The following ANO2 variants were observed in gnomAD, a reference collection of about 807,000 sequenced individuals.
ANO2 encodes the protein anoctamin-2.
A neutral mutation model predicts 124.2 loss-of-function variants in ANO2; 101 were observed. The observed-to-expected ratio is 0.81, with a 90% CI of 0.69 to 0.96. The LOEUF (loss-of-function observed/expected upper bound fraction) is 0.96, where lower values mean the gene tolerates loss of function less well. Ranked by LOEUF, ANO2 falls within the 40% of genes least tolerant of loss-of-function variation. ANO2 has a pLI of 0.00. For missense variants in ANO2, 1,293 were observed against 1,274.5 expected (o/e 1.01, Z -0.22); for synonymous variants, 486 against 482.5 (o/e 1.01, Z -0.09).
chr12:5,851,419 G>A (rs1401117097), intron 4 of ANO2, among the ~76,000 whole-genome samples: 4 of 152,126 alleles, frequency 2.6e-5, no homozygotes, highest in Non-Finnish European at 5.9e-5. Context: ...TGGGTGTGGT[G>A]GCTCACGCTT....
chr12:5,836,210 G>T (rs768533049), intron 4 of ANO2, among the ~76,000 whole-genome samples: 7 of 152,184 alleles, frequency 4.6e-5, no homozygotes, highest in Non-Finnish European at 8.8e-5. Context: ...AGGGTTGCCA[G>T]ATCGAACAAA....
At chr12:5,565,763 C>T (rs1312774113) in intron 23 of ANO2, 100 bp from the exon 24 acceptor site, 24 of 919,380 alleles carry the variant, frequency 2.6e-5, no homozygotes, top group South Asian at 1.2e-4. Flanking sequence ...GCATCAGGCA[C>T]GCATGCCCTT....
Position 5,889,146 on chromosome 12 carries a change from G to A in ANO2, c.534+31894C>T, listed in dbSNP as rs376025724. Among the ~76,000 whole-genome samples, 831 of 152,310 alleles carry A rather than the reference G, an allele frequency of 5.5e-3. 7 individuals are homozygous for A. The highest frequency in any genetic ancestry group is 0.019 in the African/African-American group (804 of 41,574). On this transcript the variant is annotated intron_variant, in intron 3 of 24. Transcript: ENST00000682330. ...CGGGCCGGCTGGTTGCTCCAAGTGC[G>A]GGGCCTGCCAAGCCCACGCCCACCC...
intron 7 of ANO2, among the ~76,000 whole-genome samples, chr12:5,815,809 C>A (rs1398549603): frequency 6.6e-6 from 1 of 151,930 alleles, no homozygotes; most frequent in Non-Finnish European, 1.5e-5. Context: ...TTCTTGTAAG[C>A]TACCCCAGAA....
At chr12:5,801,254 C>A (rs1953029500) in intron 9 of ANO2, among the ~76,000 whole-genome samples, 1 of 152,180 alleles carries the variant, frequency 6.6e-6, no homozygotes, top group Non-Finnish European at 1.5e-5. Context: ...AGGACTAACA[C>A]GTGTCTCACT....
intron 3 of ANO2, among the ~76,000 whole-genome samples, chr12:5,885,360 T>C (rs1043897408): frequency 1.3e-5 from 2 of 152,254 alleles, no homozygotes; most frequent in Admixed American, 6.5e-5. Context: ...GCCCAGGCTA[T>C]GTCTGAGGTT....
chr12:5,814,037 C>T (rs1022290476), intron 7 of ANO2, among the ~76,000 whole-genome samples: 4 of 152,222 alleles, frequency 2.6e-5, no homozygotes, highest in African/African-American at 4.8e-5. Context: ...GGTCCTCTAT[C>T]TGACATGAAC....
intron 4 of ANO2, among the ~76,000 whole-genome samples, chr12:5,847,813 C>T (rs2137243800): frequency 6.6e-6 from 1 of 152,280 alleles, no homozygotes; most frequent in African/African-American, 2.4e-5. Context: ...GTGGAAACAC[C>T]AATTTTTTTC....
At chr12:5,665,394 G>C (rs1052630108) in intron 14 of ANO2, among the ~76,000 whole-genome samples, 1 of 152,104 alleles carries the variant, frequency 6.6e-6, no homozygotes, top group East Asian at 1.9e-4. Flanking sequence ...CAATGGCTTT[G>C]CGTCTGTGCT....
chr12:5,890,460 G>A (rs1369948952), intron 3 of ANO2, among the ~76,000 whole-genome samples: 2 of 152,168 alleles, frequency 1.3e-5, no homozygotes, highest in African/African-American at 4.8e-5. Flanking sequence ...AATATTCTTA[G>A]GCAACTCTGT....
At chr12:5,910,770 C>T (rs150919945) in intron 3 of ANO2, among the ~76,000 whole-genome samples, 1 of 152,284 alleles carries the variant, frequency 6.6e-6, no homozygotes, top group East Asian at 1.9e-4. Context: ...AAGGAGGACA[C>T]TTAAGGCTGA....
intron 1 of ANO2, among the ~76,000 whole-genome samples, chr12:5,932,016 C>T (rs12817664): frequency 1.0e-4 from 9 of 88,162 alleles, no homozygotes; most frequent in South Asian, 4.3e-4. Flanking sequence ...GGAAAGAAGG[C>T]AGACGAGTGA....
intron 14 of ANO2, among the ~76,000 whole-genome samples, chr12:5,695,686 C>CA (rs766039926): frequency 6.6e-6 from 1 of 152,010 alleles, no homozygotes; most frequent in Non-Finnish European, 1.5e-5. Context: ...ACTAAAAATA[C>CA]AAAAATTAGT....
chr12:5,731,914 G>A (rs1232194635), intron 14 of ANO2, among the ~76,000 whole-genome samples: 1 of 152,144 alleles, frequency 6.6e-6, no homozygotes, highest in African/African-American at 2.4e-5. Flanking sequence ...GCCATTTCTT[G>A]TTCTATCCTT....
intron 15 of ANO2, among the ~76,000 whole-genome samples, chr12:5,645,427 ATG>A (rs556265817): frequency 4.9e-4 from 72 of 145,672 alleles, no homozygotes; most frequent in African/African-American, 4.8e-4. Flanking sequence ...GTGTGTGTGA[ATG>A]TGTGTGTGTG....
chr12:5,699,707 G>C lies in ANO2; in HGVS notation c.1545+32813C>G, dbSNP rs570058091. On this transcript the variant is annotated intron_variant, in intron 14 of 24. Coordinates refer to ENST00000682330, the MANE Select transcript of ANO2 (RefSeq NM_001364791.2). ...ATTCAGGAGACCCATCTCACATGCA[G>C]AGACACACCTAGGCTCAAAATAAAG... 2.0e-5 allele frequency among the ~76,000 whole-genome samples: 3 copies of C among 152,256 alleles called. No homozygotes were observed. The East Asian group carries it at 5.8e-4, about 29-fold the overall frequency.
intron 4 of ANO2, among the ~76,000 whole-genome samples, chr12:5,847,018 T>C (rs1031990364): frequency 1.5e-4 from 23 of 152,250 alleles, no homozygotes; most frequent in African/African-American, 4.1e-4. Context: ...GACTGGACCA[T>C]TGGGTGCCCA....
At chr12:5,582,188 C>A in intron 20 of ANO2, among the ~76,000 whole-genome samples, 1 of 152,182 alleles carries the variant, frequency 6.6e-6, no homozygotes, top group Non-Finnish European at 1.5e-5. Context: ...CTCGGCCTGA[C>A]CAATAACAGA....
chr12:5,653,136 A>T (rs379170), intron 14 of ANO2, among the ~76,000 whole-genome samples: 1 of 152,032 alleles, frequency 6.6e-6, no homozygotes, highest in Non-Finnish European at 1.5e-5. Context: ...GTGGAACTGG[A>T]TTTGGGCTTC....
Sources: allele counts gnomAD v4.1 joint callset (sites outside exome capture counted in the v4.1 genomes callset), GRCh38; gene constraint gnomAD v4.1.1; transcripts MANE v1.5; gene names NCBI Gene and HGNC (gene_info 2026-07-23, HGNC 2026-07-21).